PYHIN1: variants seen among roughly 807,000 people sequenced by gnomAD.
PYHIN1 encodes the protein pyrin and HIN domain family member 1, also known as pyrin and HIN domain-containing protein 1.
A neutral mutation model predicts 43.7 loss-of-function variants in PYHIN1; 32 were observed. The ratio of observed to expected loss-of-function variants is 0.73; its 90% CI spans 0.55 to 0.98. The LOEUF (loss-of-function observed/expected upper bound fraction) is 0.98, where lower values mean the gene tolerates loss of function less well. Among genes scored for constraint, PYHIN1 ranks in the 50% least tolerant of loss-of-function variants. The pLI, the probability that PYHIN1 is intolerant of heterozygous loss-of-function variation, is 0.00. For missense variants in PYHIN1, 588 were observed against 589.5 expected, an observed-to-expected ratio of 1.00 and a Z score of 0.03; for synonymous variants, 205 against 203.1, an observed-to-expected ratio of 1.01 and a Z score of -0.08.
At chr1:158,963,619 C>G (rs1650457420) in intron 7 of PYHIN1, among the ~76,000 whole-genome samples, 1 of 152,216 alleles carries the variant, frequency 6.6e-6, no homozygotes, top group Non-Finnish European at 1.5e-5. Context: ...GGCCAATACA[C>G]TTAAGCACCA....
At chr1:158,955,167 C>G (rs1649838638) in intron 7 of PYHIN1, among the ~76,000 whole-genome samples, 1 of 151,996 alleles carries the variant, frequency 6.6e-6, no homozygotes, top group African/African-American at 2.4e-5. Flanking sequence ...ACTTTAACAC[C>G]CCACTGTCAA....
intron 7 of PYHIN1, among the ~76,000 whole-genome samples, chr1:158,963,194 C>T (rs1650426867): frequency 6.6e-6 from 1 of 152,116 alleles, no homozygotes; most frequent in Non-Finnish European, 1.5e-5. Flanking sequence ...GTGGTACTGC[C>T]CTGCTGCCTT....
intron 4 of PYHIN1, among the ~76,000 whole-genome samples, chr1:158,940,469 T>C (rs1648848197): frequency 6.6e-6 from 1 of 152,092 alleles, no homozygotes; most frequent in South Asian, 2.1e-4. Context: ...TAAATTACAA[T>C]TAATAATTGC....
intron 7 of PYHIN1, among the ~76,000 whole-genome samples, chr1:158,966,342 T>G (rs1003866134): frequency 2.6e-5 from 4 of 152,016 alleles, no homozygotes; most frequent in African/African-American, 7.2e-5. Flanking sequence ...TTCAAAAAAC[T>G]GGGGAGGAGG....
At chr1:158,968,772 C>A (rs1282555084) in intron 7 of PYHIN1, among the ~76,000 whole-genome samples, 1 of 151,998 alleles carries the variant, frequency 6.6e-6, no homozygotes, top group Admixed American at 6.6e-5. Flanking sequence ...CCACAAAAAA[C>A]AATAAGATCA....
chr1:158,959,381 TGCCGACC>T (rs564823592), intron 7 of PYHIN1, among the ~76,000 whole-genome samples: 243 of 152,294 alleles, frequency 1.6e-3, no homozygotes, highest in African/African-American at 5.4e-3. Context: ...GTAATTTGGT[TGCCGACC>T]GGACCCTTTA....
chr1:158,955,217 C>T (rs1454630453), intron 7 of PYHIN1, among the ~76,000 whole-genome samples: 1 of 152,048 alleles, frequency 6.6e-6, no homozygotes, highest in Admixed American at 6.5e-5. Context: ...AACAAGGATA[C>T]CCAGGAATTG....
At chr1:158,949,713 C>T (rs1649426835) in intron 7 of PYHIN1, among the ~76,000 whole-genome samples, 1 of 152,134 alleles carries the variant, frequency 6.6e-6, no homozygotes, top group African/African-American at 2.4e-5. Flanking sequence ...GACATGAACT[C>T]ATCATTTTTT....
intron 7 of PYHIN1, among the ~76,000 whole-genome samples, chr1:158,965,528 G>C (rs1650582393): frequency 6.6e-6 from 1 of 152,044 alleles, no homozygotes; most frequent in Non-Finnish European, 1.5e-5. Flanking sequence ...CAAGAAAACA[G>C]AATCATACCA....
At chr1:158,935,988 C>G (rs535404081) in intron 1 of PYHIN1, among the ~76,000 whole-genome samples, 1 of 152,152 alleles carries the variant, frequency 6.6e-6, no homozygotes, top group South Asian at 2.1e-4. Context: ...GTTCTTCACT[C>G]AATTTCTACA....
chr1:158,974,813 G>A (rs768374578), intron 8 of PYHIN1, among the ~76,000 whole-genome samples: 1 of 151,886 alleles, frequency 6.6e-6, no homozygotes, highest in Non-Finnish European at 1.5e-5. Context: ...TAGCCATCTT[G>A]GCTTAGGTGA....
At chr1:158,980,349 C>T (rs1043455475), downstream of PYHIN1, among the ~76,000 whole-genome samples, 3 of 151,894 alleles carry the variant, frequency 2.0e-5, no homozygotes, top group Admixed American at 6.6e-5. Flanking sequence ...AGAATAGTAG[C>T]GATTTTTAGG....
intron 7 of PYHIN1, among the ~76,000 whole-genome samples, chr1:158,971,297 C>T (rs1650917609): frequency 6.6e-6 from 1 of 151,758 alleles, no homozygotes; most frequent in African/African-American, 2.4e-5. Context: ...AGTAGAATGT[C>T]CTTAATTATT....
intron 7 of PYHIN1, among the ~76,000 whole-genome samples, chr1:158,965,097 T>C (rs1209138648): frequency 6.6e-6 from 1 of 152,002 alleles, no homozygotes; most frequent in Non-Finnish European, 1.5e-5. Context: ...CATCATAATT[T>C]CAGAAAAAAC....
chr1:158,944,811 A>T, intron 6 of PYHIN1, 64 bp from the exon 7 acceptor site: 3 of 1,225,786 alleles, frequency 2.4e-6, no homozygotes, highest in Non-Finnish European at 3.3e-6. Flanking sequence ...ATTCTCACAT[A>T]TTTAAAGATG....
chr1:158,951,034 G>A (rs1216526634), intron 7 of PYHIN1, among the ~76,000 whole-genome samples: 1 of 152,170 alleles, frequency 6.6e-6, no homozygotes, highest in Non-Finnish European at 1.5e-5. Context: ...TCAGGGATGT[G>A]TGTAACATCT....
chr1:158,939,773 T>C, intron 4 of PYHIN1: 1 of 528,780 alleles, frequency 1.9e-6, no homozygotes, highest in East Asian at 2.9e-5. Context: ...TTCTTTCTTT[T>C]CTACTGTTTA....
chr1:158,938,401 AAAT>A lies in PYHIN1; in HGVS notation c.273_275del (p.Asn91del). ...TCTTCCTTTTTTCTGCATTAGTTGC[AAAT>A]AAAATTGAATCCATTCCAGTCAAAG... On this transcript the variant is annotated inframe_deletion, in exon 3 of 9. Coordinates refer to ENST00000368140, the MANE Select transcript of PYHIN1 (RefSeq NM_152501.5). 6.2e-7 allele frequency: 1 copy of A among 1,614,198 alleles called. No homozygotes were observed. Among genetic ancestry groups the A allele is most frequent in the Non-Finnish European group, 8.5e-7 (1 of 1,180,016 alleles).
At chr1:158,956,383 C>G (rs1051404900) in intron 7 of PYHIN1, among the ~76,000 whole-genome samples, 3 of 152,122 alleles carry the variant, frequency 2.0e-5, no homozygotes, top group African/African-American at 7.2e-5. Context: ...AATCCAGCAG[C>G]ACATCAAAAA....
Sources: gnomAD v4.1 joint callset for allele counts (sites outside exome capture counted in the v4.1 genomes callset) on GRCh38, gnomAD v4.1.1 for gene constraint, MANE v1.5 for transcripts, NCBI Gene and HGNC (gene_info 2026-07-23, HGNC 2026-07-21) for gene names.